Variants in NPAS2 observed in about 807,000 individuals in gnomAD.
NPAS2 encodes the protein neuronal PAS domain protein 2, also known as neuronal PAS domain-containing protein 2.
A neutral mutation model predicts 107.5 loss-of-function variants in NPAS2; 23 were observed. That is an observed-to-expected ratio of 0.21 (90% CI 0.15 to 0.30). The LOEUF (loss-of-function observed/expected upper bound fraction) is 0.30, where lower values mean the gene tolerates loss of function less well. Among genes scored for constraint, NPAS2 ranks in the 10% least tolerant of loss-of-function variants. The probability of loss-of-function intolerance (pLI) is 1.00; values close to 1 mark genes in which losing one functional copy is unlikely to be tolerated. For missense variants in NPAS2, 756 were observed against 1,043.3 expected, an observed-to-expected ratio of 0.72 and a Z score of 3.79; for synonymous variants, 403 against 417.5, an observed-to-expected ratio of 0.97 and a Z score of 0.42.
intron 1 of NPAS2, among the ~76,000 whole-genome samples, chr2:100,855,784 G>A (rs1302328886): frequency 6.6e-6 from 1 of 152,230 alleles, no homozygotes; most frequent in African/African-American, 2.4e-5. Flanking sequence ...AGGGCTAGCA[G>A]ATGGTAGCAC....
At chr2:100,972,320 A>G (rs57840572) in intron 12 of NPAS2, among the ~76,000 whole-genome samples, 4,055 of 152,234 alleles carry the variant, frequency 0.027, 191 homozygotes, top group African/African-American at 0.092. Flanking sequence ...CTTTTCATCA[A>G]CGGAAGGACA....
chr2:100,883,130 C>G (rs1271165218), intron 1 of NPAS2, among the ~76,000 whole-genome samples: 2 of 152,176 alleles, frequency 1.3e-5, no homozygotes, highest in African/African-American at 4.8e-5. Flanking sequence ...ATCCAGAAAC[C>G]ACAGGAGCAG....
At chr2:100,933,586 C>T (rs1347124254) in intron 4 of NPAS2, among the ~76,000 whole-genome samples, 2 of 152,192 alleles carry the variant, frequency 1.3e-5, no homozygotes, top group Non-Finnish European at 2.9e-5. Context: ...AGGCCCCATA[C>T]TCATCTACAG....
chr2:100,918,963 A>C (rs1263209527), intron 2 of NPAS2, among the ~76,000 whole-genome samples: 3 of 152,250 alleles, frequency 2.0e-5, no homozygotes, highest in Non-Finnish European at 4.4e-5. Context: ...AGCTGTATTC[A>C]TAATTACCCA....
intron 2 of NPAS2, 59 bp from the exon 3 acceptor site, chr2:100,925,087 C>T: frequency 2.6e-6 from 4 of 1,531,446 alleles, no homozygotes; most frequent in Non-Finnish European, 3.5e-6. Context: ...GCTTTTGTTT[C>T]ATCACAAAGC....
chr2:100,845,304 AAGTCTGACGTGG>A (rs1431184940), intron 1 of NPAS2, among the ~76,000 whole-genome samples: 1 of 152,138 alleles, frequency 6.6e-6, no homozygotes, highest in African/African-American at 2.4e-5. Flanking sequence ...GACTTCTTCC[AAGTCTGACGTGG>A]AGCAGGCTGG....
chr2:100,905,414 GC>G (rs1446559288), intron 2 of NPAS2, among the ~76,000 whole-genome samples: 2 of 151,470 alleles, frequency 1.3e-5, no homozygotes, highest in Non-Finnish European at 2.9e-5. Context: ...TGTATTGAAT[GC>G]CTACTAGATA....
chr2:100,896,304 A>C (rs1316510649), intron 1 of NPAS2, among the ~76,000 whole-genome samples: 3 of 152,196 alleles, frequency 2.0e-5, no homozygotes, highest in Non-Finnish European at 4.4e-5. Context: ...ACTGACTCTG[A>C]AGTCGGAAAC....
chr2:100,911,716 C>T (rs907600951), intron 2 of NPAS2, among the ~76,000 whole-genome samples: 4 of 152,102 alleles, frequency 2.6e-5, no homozygotes, highest in Non-Finnish European at 4.4e-5. Context: ...ACTGCAACCT[C>T]CACCTCCCGG....
chr2:100,850,470 G>T (rs1195148263), intron 1 of NPAS2, among the ~76,000 whole-genome samples: 9 of 152,068 alleles, frequency 5.9e-5, no homozygotes, highest in Admixed American at 5.9e-4. Context: ...TCAATAATGT[G>T]CAAAGAAAAA....
rs1676497879 is a variant in NPAS2, at chr2:100,828,054, T to C, written c.-23+7640T>C. On this transcript the variant is annotated intron_variant, in intron 1 of 20. Coordinates refer to ENST00000335681, the MANE Select transcript of NPAS2 (RefSeq NM_002518.4). ...CAGTCAACAGTGCATTAGTGTTCTC[T>C]TGTCTCCACAGTCTCTCCAGCATGT... Among the ~76,000 whole-genome samples the C allele has an allele frequency of 2.0e-5, 3 of 151,436 alleles. No individual in the cohort carries two copies. The South Asian group carries it at 6.3e-4, about 32-fold the overall frequency.
intron 1 of NPAS2, among the ~76,000 whole-genome samples, chr2:100,858,488 GT>G (rs1367271876): frequency 1.3e-5 from 2 of 152,164 alleles, no homozygotes; most frequent in African/African-American, 4.8e-5. Context: ...AGTTTTTGCT[GT>G]GAGGGTCTCT....
chr2:100,899,311 C>G (rs1681626250), intron 1 of NPAS2, among the ~76,000 whole-genome samples: 1 of 151,122 alleles, frequency 6.6e-6, no homozygotes, highest in African/African-American at 2.4e-5. Context: ...GCAACCTCTG[C>G]CTCTCAGGCT....
At chr2:100,828,374 A>T (rs899969202) in intron 1 of NPAS2, among the ~76,000 whole-genome samples, 1 of 151,898 alleles carries the variant, frequency 6.6e-6, no homozygotes, top group South Asian at 2.1e-4. Context: ...TACTCTGTTG[A>T]TAGGTTCTTT....
intron 1 of NPAS2, among the ~76,000 whole-genome samples, chr2:100,886,151 G>T (rs1442112210): frequency 6.6e-6 from 1 of 152,192 alleles, no homozygotes; most frequent in Non-Finnish European, 1.5e-5. Context: ...TGGCAGCTTG[G>T]AGTTTTGCAT....
At chr2:100,875,001 A>T (rs1679864233) in intron 1 of NPAS2, among the ~76,000 whole-genome samples, 1 of 152,174 alleles carries the variant, frequency 6.6e-6, no homozygotes, top group Non-Finnish European at 1.5e-5. Flanking sequence ...TGAATGTGGA[A>T]TCCAAGACAT....
At chr2:100,980,522 T>G (rs568437696) in intron 15 of NPAS2, among the ~76,000 whole-genome samples, 16 of 152,172 alleles carry the variant, frequency 1.1e-4, no homozygotes, top group South Asian at 4.1e-4. Flanking sequence ...CAGGCTGGAG[T>G]GCAGTTGTGC....
intron 1 of NPAS2, among the ~76,000 whole-genome samples, chr2:100,825,598 CCT>C (rs1388576803): frequency 3.3e-5 from 5 of 152,296 alleles, no homozygotes; most frequent in Admixed American, 3.3e-4. Context: ...CCCACACCTG[CCT>C]CTGGAGGTTT....
rs191478071 is a variant in NPAS2, at chr2:100,914,370, G to C, written c.32+9584G>C. The stretch of plus-strand genomic sequence containing the variant: ...GGATTCCAGAGTTCTAGAGAGCTAC[G>C]CCTGAGGTGCACATCTACTCTCAGA... On this transcript the variant is annotated intron_variant, in intron 2 of 20. Transcript: ENST00000335681. Among the ~76,000 whole-genome samples the C allele has an allele frequency of 2.6e-5, 4 of 152,290 alleles. No homozygotes were observed. In the South Asian group the frequency reaches 6.2e-4, roughly 24 times the overall value.
Sources: gnomAD v4.1 joint callset for allele counts (sites outside exome capture counted in the v4.1 genomes callset) on GRCh38, gnomAD v4.1.1 for gene constraint, MANE v1.5 for transcripts, NCBI Gene and HGNC (gene_info 2026-07-23, HGNC 2026-07-21) for gene names.